Variants in WWP2 observed in about 807,000 individuals in gnomAD.
WWP2 encodes the protein WW domain containing E3 ubiquitin protein ligase 2.
In WWP2, 57 loss-of-function variants were observed where a neutral mutation model predicts 121.0. That is an observed-to-expected ratio of 0.47 (90% CI 0.38 to 0.59). The LOEUF is 0.59. Among genes scored for constraint, WWP2 ranks in the 20% least tolerant of loss-of-function variants. The pLI is 0.00. For synonymous variants in WWP2, 449 were observed against 441.3 expected (o/e 1.02, Z -0.22); for missense variants, 962 against 1,158.9 (o/e 0.83, Z 2.47).
chr16:69,841,953 G>A, intron 5 of WWP2, 71 bp from the exon 6 acceptor site: 2 of 1,466,898 alleles, frequency 1.4e-6, no homozygotes, highest in Non-Finnish European at 1.9e-6. Context: ...TCTGTTCCTG[G>A]CCGTCAAATC....
chr16:69,849,482 T>TTCATTCATTCATTC (rs1555553865), intron 6 of WWP2, among the ~76,000 whole-genome samples: 4 of 149,554 alleles, frequency 2.7e-5, no homozygotes, highest in Admixed American at 1.3e-4. Context: ...TTTATTTATT[T>TTCATTCATTCATTC]ATTCATTCAT....
intron 16 of WWP2, chr16:69,933,192 C>A: frequency 2.1e-6 from 1 of 469,500 alleles, no homozygotes; most frequent in Non-Finnish European, 4.5e-6. Context: ...TCTGCGTCGA[C>A]GGACTCCTCG....
intron 11 of WWP2, 95 bp from the exon 12 acceptor site, chr16:69,929,353 C>G (rs2058680155): frequency 1.7e-6 from 2 of 1,172,816 alleles, no homozygotes. Context: ...GGGAGATAAA[C>G]TCAGACCCAG....
intron 4 of WWP2, among the ~76,000 whole-genome samples, chr16:69,832,829 C>T (rs1041096730): frequency 4.6e-5 from 7 of 152,044 alleles, no homozygotes; most frequent in African/African-American, 9.7e-5. Context: ...AGGTGTGAAC[C>T]ACTGTGCCTG....
intron 8 of WWP2, 27 bp downstream of exon 8, chr16:69,888,276 ATC>A (rs769228358): frequency 2.5e-6 from 4 of 1,604,126 alleles, no homozygotes; most frequent in Admixed American, 3.4e-5. Flanking sequence ...CCCATAACAG[ATC>A]TCTCCTCCTC....
chr16:69,840,307 G>T, intron 5 of WWP2, 44 bp downstream of exon 5: 4 of 1,608,812 alleles, frequency 2.5e-6, no homozygotes, highest in Admixed American at 1.7e-5. Flanking sequence ...GGACAGGGTG[G>T]GGCTGGGCGG....
rs1197186681 is a variant in WWP2, at chr16:69,789,927, C to A, written c.70+2847C>A. 2.6e-5 allele frequency among the ~76,000 whole-genome samples: 4 copies of A among 152,194 alleles called. No homozygotes were observed. In the East Asian group the frequency reaches 7.7e-4, roughly 29 times the overall value. ...AACTTTACTAATAGCCTGCTGTTGA[C>A]TGAAAGCCTTGCCAATAACAGAAAC... On this transcript the variant is annotated intron_variant, in intron 2 of 23. Transcript: ENST00000359154.
At chr16:69,771,434 A>G (rs1194890683) in intron 1 of WWP2, among the ~76,000 whole-genome samples, 5 of 152,040 alleles carry the variant, frequency 3.3e-5, no homozygotes, top group Non-Finnish European at 5.9e-5. Context: ...TTTAGTAGAG[A>G]CGGGGTTTCC....
rs756561198 is a variant in WWP2 at position 69,871,924 on chromosome 16, T to G, written c.696T>G (p.Asn232Lys). 1.2e-6 allele frequency: 2 copies of G among 1,613,416 alleles called. No homozygotes were observed. Among genetic ancestry groups the G allele is most frequent in the South Asian group, 1.1e-5 (1 of 91,036 alleles). The change falls in exon 7 of 24, where the codon AAT becomes AAG. Residue 232 changes from asparagine (N) to lysine (K), a missense_variant. Coordinates refer to ENST00000359154, the MANE Select transcript of WWP2 (RefSeq NM_001270454.2). ...ACTCAGGCCACAGTGGCTTGGCCAA[T>G]GGCACAGGTGAGTGATGGCACCGCA... ...VKNSGHSGLANGTVNDEPTTA... is the reference protein window; with the variant it reads ...VKNSGHSGLAKGTVNDEPTTA...
intron 10 of WWP2, chr16:69,924,915 G>T (rs2058617466): frequency 6.1e-6 from 6 of 986,124 alleles, no homozygotes; most frequent in African/African-American, 1.7e-5. Flanking sequence ...GGAGGGCCGG[G>T]CCCCAGCCAG....
intron 7 of WWP2, among the ~76,000 whole-genome samples, chr16:69,874,676 A>T (rs1597092450): frequency 1.3e-5 from 2 of 152,172 alleles, no homozygotes; most frequent in Middle Eastern, 6.8e-3. Context: ...CTTGTATGGG[A>T]TGATTTACTT....
chr16:69,793,696 C>G (rs928517615), intron 2 of WWP2, among the ~76,000 whole-genome samples: 2 of 152,034 alleles, frequency 1.3e-5, no homozygotes, highest in Non-Finnish European at 2.9e-5. Context: ...AAAGACCAAC[C>G]TTAGGTTCTG....
At chr16:69,874,785 G>T (rs897801093) in intron 7 of WWP2, among the ~76,000 whole-genome samples, 2 of 152,084 alleles carry the variant, frequency 1.3e-5, no homozygotes, top group African/African-American at 4.8e-5. Context: ...TGCATCAGCC[G>T]TGGTCAGATT....
At chr16:69,849,429 T>C (rs2057157133) in intron 6 of WWP2, among the ~76,000 whole-genome samples, 1 of 152,252 alleles carries the variant, frequency 6.6e-6, no homozygotes, top group African/African-American at 2.4e-5. Flanking sequence ...GGGTATTGCC[T>C]CATTTCTGTT....
At chr16:69,855,834 A>G (rs910470148) in intron 6 of WWP2, among the ~76,000 whole-genome samples, 2 of 152,254 alleles carry the variant, frequency 1.3e-5, no homozygotes, top group African/African-American at 4.8e-5. Context: ...GTGGTGCCAG[A>G]TCATTCTGAT....
At chr16:69,830,828 A>G (rs889469770) in intron 4 of WWP2, among the ~76,000 whole-genome samples, 26 of 152,160 alleles carry the variant, frequency 1.7e-4, no homozygotes, top group African/African-American at 6.3e-4. Context: ...AATGTGAAAG[A>G]GCCTTCTCTC....
At chr16:69,906,797 T>A (rs936617746) in intron 8 of WWP2, among the ~76,000 whole-genome samples, 4 of 152,130 alleles carry the variant, frequency 2.6e-5, no homozygotes, top group African/African-American at 4.8e-5. Flanking sequence ...GGGGTATCAC[T>A]TGAACCCAAG....
intron 4 of WWP2, among the ~76,000 whole-genome samples, chr16:69,812,229 T>A (rs1398378503): frequency 2.1e-5 from 3 of 141,718 alleles, no homozygotes; most frequent in African/African-American, 8.0e-5. Flanking sequence ...TGCAATGACA[T>A]GATCTTGGCT....
chr16:69,873,125 C>T (rs1290653802), intron 7 of WWP2, among the ~76,000 whole-genome samples: 2 of 152,124 alleles, frequency 1.3e-5, no homozygotes, highest in East Asian at 1.9e-4. Flanking sequence ...AGAGGTGTGG[C>T]GTAAAGGCCA....
Sources: allele counts gnomAD v4.1 joint callset (sites outside exome capture counted in the v4.1 genomes callset), GRCh38; gene constraint gnomAD v4.1.1; transcripts MANE v1.5; gene names NCBI Gene and HGNC (gene_info 2026-07-23, HGNC 2026-07-21).